The following MED13L variants were observed in gnomAD, a reference collection of about 807,000 sequenced individuals.
MED13L encodes mediator complex subunit 13L.
MED13L carries 7 observed loss-of-function variants against 220.9 expected under a neutral mutation model. The observed-to-expected ratio is 0.03, with a 90% confidence interval of 0.02 to 0.06. MED13L has a LOEUF of 0.06. Ranked by LOEUF, MED13L falls within the 10% of genes least tolerant of loss-of-function variation. MED13L has a pLI of 1.00. For missense variants in MED13L, 1,965 were observed against 2,760.5 expected (o/e 0.71, Z 6.46); for synonymous variants, 1,011 against 1,015.2 (o/e 1.00, Z 0.08).
At chr12:115,967,197 C>A (rs1319600238) in intron 28 of MED13L, among the ~76,000 whole-genome samples, 47 of 105,680 alleles carry the variant, frequency 4.4e-4, no homozygotes, top group Non-Finnish European at 4.7e-4. Flanking sequence ...AAAAAAAAAA[C>A]CTTCTGTTTG....
At chr12:116,066,491 G>A (rs1440891318) in intron 4 of MED13L, among the ~76,000 whole-genome samples, 3 of 152,086 alleles carry the variant, frequency 2.0e-5, no homozygotes, top group Non-Finnish European at 4.4e-5. Flanking sequence ...TTCTTCTAAA[G>A]ACTACTCAAA....
chr12:116,211,283 A>G (rs746885198), intron 2 of MED13L, among the ~76,000 whole-genome samples: 1 of 152,182 alleles, frequency 6.6e-6, no homozygotes, highest in Non-Finnish European at 1.5e-5. Context: ...GTGTTCTGAC[A>G]CCAGGGATCT....
chr12:116,193,360 A>G (rs1881408061), intron 2 of MED13L, among the ~76,000 whole-genome samples: 1 of 152,200 alleles, frequency 6.6e-6, no homozygotes, highest in African/African-American at 2.4e-5. Context: ...AGAAATAATC[A>G]AAAATATTTT....
In MED13L at chr12:116,015,212, T is replaced by C. The variant is rs1193527567; in HGVS notation, c.1072A>G (p.Thr358Ala). ...HLVSQDGGMI[T>A]MHSPKRSGKI... Reference sequence around the variant, plus strand: ...CCCGATCTCTTTGGACTGTGCATCGTTATCATCCCTCCATCTTGGGAAACC... The same window carrying C: ...CCCGATCTCTTTGGACTGTGCATCGCTATCATCCCTCCATCTTGGGAAACC... The change falls in exon 8 of 31, where the codon ACG becomes GCG. Residue 358 changes from threonine to alanine, a missense_variant. Physicochemically the swap from Thr to Ala is moderately conservative, Grantham distance 58. This residue lies in a region of MED13L where 818 missense variants were observed against 1,041.2 expected (regional missense o/e 0.79). Transcript: ENST00000281928. The C allele has an allele frequency of 5.6e-6, 9 of 1,613,834 alleles. No homozygotes were observed. Among genetic ancestry groups the C allele is most frequent in the Non-Finnish European group, 7.6e-6 (9 of 1,179,902 alleles).
chr12:116,191,531 T>A (rs935397770), intron 2 of MED13L, among the ~76,000 whole-genome samples: 3 of 152,052 alleles, frequency 2.0e-5, no homozygotes, highest in Non-Finnish European at 4.4e-5. Context: ...GGTTTCACCA[T>A]GTTGGCCAGG....
At chr12:116,014,175 A>C (rs1020204129) in intron 8 of MED13L, among the ~76,000 whole-genome samples, 5 of 152,244 alleles carry the variant, frequency 3.3e-5, no homozygotes, top group Non-Finnish European at 5.9e-5. Context: ...GTCAATATTT[A>C]GTATGAAATT....
chr12:116,188,210 C>T (rs539699138), intron 2 of MED13L, among the ~76,000 whole-genome samples: 31 of 152,034 alleles, frequency 2.0e-4, no homozygotes, highest in Non-Finnish European at 4.3e-4. Context: ...AATAAGTTAA[C>T]TATATTATGG....
chr12:116,255,580 G>A (rs1457360958), intron 1 of MED13L, among the ~76,000 whole-genome samples: 1 of 152,114 alleles, frequency 6.6e-6, no homozygotes, highest in African/African-American at 2.4e-5. Flanking sequence ...AAATGAAAAG[G>A]CACACCACAA....
At chr12:115,981,223 A>T (rs1415911857) in intron 22 of MED13L, among the ~76,000 whole-genome samples, 1 of 152,186 alleles carries the variant, frequency 6.6e-6, no homozygotes, top group Non-Finnish European at 1.5e-5. Flanking sequence ...TTTAGGGGTA[A>T]GATCTCAATT....
intron 2 of MED13L, among the ~76,000 whole-genome samples, chr12:116,223,332 T>TA (rs565853514): frequency 5.3e-5 from 8 of 150,944 alleles, no homozygotes; most frequent in Non-Finnish European, 7.4e-5. Context: ...TCTACAATAC[T>TA]AAAAAAAAAT....
chr12:116,094,489 A>G (rs190592672), intron 4 of MED13L, among the ~76,000 whole-genome samples: 35 of 152,356 alleles, frequency 2.3e-4, no homozygotes, highest in Non-Finnish European at 3.2e-4. Context: ...AGATTTTTGG[A>G]GCCAAAATGA....
rs986043022 is a variant in MED13L, at chr12:115,958,924, C to A, written c.*2342G>T. 2.0e-5 allele frequency: 3 copies of A among 152,360 alleles called. No individual in the cohort carries two copies. Among genetic ancestry groups the A allele is most frequent in the East Asian group, 1.9e-4 (1 of 5,186 alleles). The allele number at this position is 152,360 out of a possible 1,614,324, so 9.4% of individuals were successfully genotyped here. A position where few individuals can be genotyped will look rare whatever the true frequency, so the allele number is the denominator to read the frequency against. On this transcript the variant is annotated 3_prime_UTR_variant, in exon 31 of 31. Transcript: ENST00000281928. ...ATACAAGCATGCTGGACAATCCCAC[C>A]CTTTTCCCCTCCCCATTTCCCCTTT...
chr12:116,007,161 C>T (rs2137376893), intron 11 of MED13L: 2 of 522,410 alleles, frequency 3.8e-6, no homozygotes, highest in East Asian at 3.4e-5. Context: ...AAAACATGCA[C>T]TGTACAAGCT....
chr12:116,007,903 C>T, intron 10 of MED13L: 1 of 474,824 alleles, frequency 2.1e-6, no homozygotes. Context: ...AACTGCATGG[C>T]CCTAGTTTCT....
chr12:116,052,681 T>A (rs1488820608), intron 4 of MED13L, among the ~76,000 whole-genome samples: 1 of 152,188 alleles, frequency 6.6e-6, no homozygotes, highest in Non-Finnish European at 1.5e-5. Flanking sequence ...TTTGACAAAT[T>A]AGCCATCCCA....
intron 2 of MED13L, among the ~76,000 whole-genome samples, chr12:116,179,683 G>A (rs1463768505): frequency 1.0e-5 from 1 of 95,324 alleles, no homozygotes; most frequent in Non-Finnish European, 1.9e-5. Context: ...CCTGAGCAGT[G>A]AATAACCTTT....
chr12:116,078,951 T>C (rs1335777077), intron 4 of MED13L, among the ~76,000 whole-genome samples: 1 of 152,182 alleles, frequency 6.6e-6, no homozygotes, highest in Non-Finnish European at 1.5e-5. Flanking sequence ...ATCAAGATAT[T>C]ATTTATCTTT....
At chr12:116,130,489 A>C (rs1220919216) in intron 2 of MED13L, among the ~76,000 whole-genome samples, 1 of 152,218 alleles carries the variant, frequency 6.6e-6, no homozygotes, top group East Asian at 1.9e-4. Context: ...TCATAAACTG[A>C]AAGGCTGTTT....
At chr12:116,009,783 C>A (rs1243853266) in intron 9 of MED13L, among the ~76,000 whole-genome samples, 2 of 152,140 alleles carry the variant, frequency 1.3e-5, no homozygotes, top group African/African-American at 4.8e-5. Context: ...CACAAATGCA[C>A]CTGAACCATC....
Sources: gnomAD v4.1 joint callset for allele counts (sites outside exome capture counted in the v4.1 genomes callset) on GRCh38, gnomAD v4.1.1 for gene constraint, gnomAD v4.1.1 regional missense constraint, MANE v1.5 for transcripts, NCBI Gene and HGNC (gene_info 2026-07-23, HGNC 2026-07-21) for gene names.